The following RPTOR variants were observed in gnomAD, a reference collection of about 807,000 sequenced individuals.
The protein encoded by RPTOR is regulatory-associated protein of mTOR.
Under a neutral mutation model 169.9 loss-of-function variants are expected in RPTOR, and 21 were observed. That is an observed-to-expected ratio of 0.12 (90% CI 0.09 to 0.18). RPTOR has a LOEUF of 0.18. Among genes scored for constraint, RPTOR ranks in the 10% least tolerant of loss-of-function variants. RPTOR has a pLI of 1.00. For missense variants in RPTOR, 1,133 were observed against 1,855.9 expected, an observed-to-expected ratio of 0.61 and a Z score of 7.16; for synonymous variants, 732 against 753.2, an observed-to-expected ratio of 0.97 and a Z score of 0.46.
rs777036464 is a variant in RPTOR at position 80,855,654 on chromosome 17, G to A, written c.1398+107G>A. On this transcript the variant is annotated intron_variant, in intron 12 of 33. Transcript: ENST00000306801. Reference sequence around the variant, plus strand: ...TCATGATCCAGAGCCACCCCCAGCCGTGAGACCCAGGGCGAGTGTGTCCAC... The same window carrying A: ...TCATGATCCAGAGCCACCCCCAGCCATGAGACCCAGGGCGAGTGTGTCCAC... 84 of 859,996 alleles carry A rather than the reference G, an allele frequency of 9.8e-5. 1 individual carries two copies. The highest frequency in any genetic ancestry group is 1.3e-4 in the Non-Finnish European group (68 of 517,732). 53.3% of individuals were successfully genotyped at this position (859,996 alleles called of 1,614,324 possible).
At chr17:80,781,511 C>G (rs577088401) in intron 6 of RPTOR, among the ~76,000 whole-genome samples, 1 of 152,264 alleles carries the variant, frequency 6.6e-6, no homozygotes, top group South Asian at 2.1e-4. Flanking sequence ...GTCTAAAATA[C>G]ACAGAACTTA....
chr17:80,937,143 T>A (rs1468448807), intron 24 of RPTOR, among the ~76,000 whole-genome samples: 1 of 152,186 alleles, frequency 6.6e-6, no homozygotes, highest in African/African-American at 2.4e-5. Context: ...CTTCAGGTCA[T>A]CAGGAGCTAA....
chr17:80,893,283 G>GGTGTGTGTGCGCCGGGT (rs1246161643), intron 19 of RPTOR, among the ~76,000 whole-genome samples: 24 of 151,056 alleles, frequency 1.6e-4, no homozygotes, highest in Admixed American at 9.2e-4. Flanking sequence ...TGTGTACCAG[G>GGTGTGTGTGCGCCGGGT]GTGTGTGTGC....
intron 28 of RPTOR, among the ~76,000 whole-genome samples, chr17:80,953,911 C>T (rs1024256003): frequency 2.6e-5 from 4 of 152,250 alleles, no homozygotes; most frequent in African/African-American, 7.2e-5. Context: ...TGATCCACCA[C>T]GGCGCTCGTG....
intron 6 of RPTOR, among the ~76,000 whole-genome samples, chr17:80,775,330 C>G (rs2066882985): frequency 3.3e-5 from 5 of 152,156 alleles, no homozygotes. Flanking sequence ...AGGATAGTCT[C>G]AAACTCCTGG....
chr17:80,881,693 C>T (rs975962793), intron 14 of RPTOR, among the ~76,000 whole-genome samples: 2 of 152,230 alleles, frequency 1.3e-5, no homozygotes, highest in East Asian at 1.9e-4. Context: ...TTGTGGCACA[C>T]GCCTGTGGTC....
chr17:80,921,442 G>T (rs1410868912), intron 21 of RPTOR, among the ~76,000 whole-genome samples: 2 of 152,310 alleles, frequency 1.3e-5, no homozygotes, highest in South Asian at 4.1e-4. Flanking sequence ...AGTGTACTCA[G>T]AACAAAACCA....
chr17:80,634,460 T>C (rs1279920476), intron 2 of RPTOR, among the ~76,000 whole-genome samples: 4 of 134,570 alleles, frequency 3.0e-5, no homozygotes, highest in South Asian at 5.2e-4. Flanking sequence ...TGTGTGTGCA[T>C]AGTGTGTGCG....
chr17:80,864,370 G>C (rs768943123), intron 13 of RPTOR, among the ~76,000 whole-genome samples: 1 of 143,344 alleles, frequency 7.0e-6, no homozygotes, highest in Non-Finnish European at 1.5e-5. Flanking sequence ...GAAAAGGTGA[G>C]AATGATGGCA....
chr17:80,732,163 CA>C (rs199652200), intron 5 of RPTOR, among the ~76,000 whole-genome samples: 3,483 of 149,370 alleles, frequency 0.023, 139 homozygotes, highest in African/African-American at 0.083. Context: ...ATAAATATCG[CA>C]AAAAAAAGGT....
At chr17:80,729,081 G>A (rs1294129911) in intron 4 of RPTOR, among the ~76,000 whole-genome samples, 1 of 152,176 alleles carries the variant, frequency 6.6e-6, no homozygotes, top group East Asian at 1.9e-4. Flanking sequence ...TATAACTTAC[G>A]TCTGAGATGT....
intron 1 of RPTOR, among the ~76,000 whole-genome samples, chr17:80,573,474 C>T (rs149680690): frequency 1.3e-5 from 2 of 151,944 alleles, no homozygotes; most frequent in African/African-American, 4.8e-5. Flanking sequence ...GAGGTGTTGC[C>T]CATCTTTTGT....
chr17:80,880,577 G>T (rs2289761), intron 14 of RPTOR, 88 bp downstream of exon 14: 3 of 1,249,130 alleles, frequency 2.4e-6, no homozygotes, highest in Admixed American at 1.8e-5. Flanking sequence ...GCCTTTTGAC[G>T]GGGGCTACAG....
intron 33 of RPTOR, 84 bp downstream of exon 33, chr17:80,963,141 T>G (rs1162337910): frequency 3.0e-6 from 4 of 1,312,404 alleles, no homozygotes; most frequent in Non-Finnish European, 4.2e-6. Flanking sequence ...GCAGGGGTCC[T>G]GCCTGGCTAC....
At chr17:80,849,900 G>A (rs981701762) in intron 11 of RPTOR, among the ~76,000 whole-genome samples, 2 of 152,210 alleles carry the variant, frequency 1.3e-5, no homozygotes, top group Non-Finnish European at 2.9e-5. Context: ...CAGCTCGCCC[G>A]GAACTCAGTG....
Position 80,724,500 on chromosome 17 carries a change from C to G in RPTOR, c.508-6060C>G, listed in dbSNP as rs993283444. Reference sequence around the variant, plus strand: ...ATGGCCAAATCAGGTTTGGGTAAGGCCACCTGGAGATCCATGTCCTTCAGC... The same window carrying G: ...ATGGCCAAATCAGGTTTGGGTAAGGGCACCTGGAGATCCATGTCCTTCAGC... On this transcript the variant is annotated intron_variant, in intron 4 of 33. Transcript: ENST00000306801. Among the ~76,000 whole-genome samples, 22 of 145,426 alleles carry G rather than the reference C, an allele frequency of 1.5e-4. 2 individuals carry two copies. Among genetic ancestry groups the G allele is most frequent in the African/African-American group, 6.2e-4 (22 of 35,312 alleles).
In RPTOR at chr17:80,796,014, C is replaced by A. The variant is rs729743; in HGVS notation, c.890+4505C>A. On this transcript the variant is annotated intron_variant, in intron 7 of 33. Transcript: ENST00000306801. The stretch of plus-strand genomic sequence containing the variant: ...TGAGGCACCTACGACTCCCAGGCAT[C>A]GTTGCCCTGGCCCCACCACAGTTAG... Among the ~76,000 whole-genome samples the A allele has an allele frequency of 3.0e-4, 45 of 152,324 alleles. 1 individual carries two copies. The East Asian group carries it at 8.7e-3, about 29-fold the overall frequency.
rs528170605 is a variant in RPTOR at position 80,616,681 on chromosome 17, G to C, written c.163-9010G>C. ...CGCATGCCTGTAGTCTGAGCTACTC[G>C]GGAGGTTGAGATGGGAGGATCCGTT... On this transcript the variant is annotated intron_variant, in intron 1 of 33. Coordinates refer to ENST00000306801, the MANE Select transcript of RPTOR (RefSeq NM_020761.3). Among the ~76,000 whole-genome samples, 18 of 152,250 alleles carry C rather than the reference G, an allele frequency of 1.2e-4. No individual in the cohort carries two copies. In the South Asian group the frequency reaches 3.3e-3, roughly 28 times the overall value.
rs2067719904 is a variant in RPTOR, at chr17:80,845,584, C to T, written c.1213-889C>T. 6.6e-6 allele frequency among the ~76,000 whole-genome samples: 1 copy of T among 152,028 alleles called. No homozygotes were observed. Among genetic ancestry groups the T allele is most frequent in the Non-Finnish European group, 1.5e-5 (1 of 68,002 alleles). On this transcript the variant is annotated intron_variant, in intron 10 of 33. Coordinates refer to ENST00000306801, the MANE Select transcript of RPTOR (RefSeq NM_020761.3). The surrounding 1 kb of genome is among the most constrained non-coding windows in gnomAD (Gnocchi z 5.4). ...CCAGCCTGTGCTTCCAGTCCCATCC[C>T]CCAGCCTGCCCGAGGATGCCCTCCA...
Sources: gnomAD v4.1 joint callset for allele counts (sites outside exome capture counted in the v4.1 genomes callset) on GRCh38, gnomAD v4.1.1 for gene constraint, Gnocchi (gnomAD v3.1) non-coding constraint, MANE v1.5 for transcripts, NCBI Gene and HGNC (gene_info 2026-07-23, HGNC 2026-07-21) for gene names.